ZNF675: variants seen among roughly 807,000 people sequenced by gnomAD.
ZNF675 encodes the protein TRAF6 inhibitory zinc finger.
ZNF675 carries 36 observed loss-of-function variants against 56.1 expected under a neutral mutation model. That is an observed-to-expected ratio of 0.64 (90% CI 0.49 to 0.85). The LOEUF is 0.85. Ranked by LOEUF, ZNF675 falls within the 40% of genes least tolerant of loss-of-function variation. The pLI is 0.00. For synonymous variants in ZNF675, 200 were observed against 218.9 expected (o/e 0.91, Z 0.76); for missense variants, 663 against 654.2 (o/e 1.01, Z -0.15).
At position 23,687,133 on chromosome 19, in the gene ZNF675, A is replaced by G; in HGVS notation, c.-100T>C. ...CTGGACCTCTAGGAGCAGAGGACAC[A>G]GAGCAATGAAAGCGAGACCTGGAGC... On this transcript the variant is annotated 5_prime_UTR_variant, in exon 1 of 4. Transcript: ENST00000359788. 6.9e-7 allele frequency: 1 copy of G among 1,457,568 alleles called. No homozygotes were observed. The highest frequency in any genetic ancestry group is 1.1e-5 in the South Asian group (1 of 87,424). 90.3% of individuals were successfully genotyped at this position (1,457,568 alleles called of 1,614,324 possible). A position where few individuals can be genotyped will look rare whatever the true frequency, so the allele number is the denominator to read the frequency against.
At chr19:23,684,060 G>C (rs993845697) in intron 1 of ZNF675, among the ~76,000 whole-genome samples, 1 of 151,646 alleles carries the variant, frequency 6.6e-6, no homozygotes, top group Non-Finnish European at 1.5e-5. Context: ...AGGAGATCAA[G>C]ACCATCCTGG....
chr19:23,660,642 G>A (rs1968063570), intron 3 of ZNF675, among the ~76,000 whole-genome samples: 1 of 151,936 alleles, frequency 6.6e-6, no homozygotes, highest in African/African-American at 2.4e-5. Context: ...ATTTAACCAA[G>A]GAGGTACAAA....
In ZNF675 at chr19:23,653,306, T is replaced by C. The variant is rs759713929; in HGVS notation, c.1627A>G (p.Lys543Glu). The C allele has an allele frequency of 6.2e-7, 1 of 1,613,796 alleles. No individual in the cohort carries two copies. Among genetic ancestry groups the C allele is most frequent in the South Asian group, 1.1e-5 (1 of 91,070 alleles). The change falls in exon 4 of 4, where the codon AAA becomes GAA. Residue 543 changes from lysine to glutamate, a missense_variant. This residue lies in a region of ZNF675 where 617 missense variants were observed against 590.5 expected (regional missense o/e 1.04). Transcript: ENST00000359788. Reference sequence around the variant, plus strand: ...AGGTTTGCAGATTGGTTAAAAGCTTTGTCACATCTCTCACATTTATAGGGT... The same window carrying C: ...AGGTTTGCAGATTGGTTAAAAGCTTCGTCACATCTCTCACATTTATAGGGT... Reference protein sequence around the residue: ...EKPYKCERCDKAFNQSANLTK... With the variant: ...EKPYKCERCDEAFNQSANLTK...
chr19:23,664,200 T>C (rs779052695), intron 1 of ZNF675, among the ~76,000 whole-genome samples: 1 of 152,176 alleles, frequency 6.6e-6, no homozygotes, highest in Non-Finnish European at 1.5e-5. Context: ...CATGTTTAAC[T>C]GAAAAAAAGC....
intron 1 of ZNF675, among the ~76,000 whole-genome samples, chr19:23,685,430 T>C (rs1271387901): frequency 6.6e-6 from 1 of 152,156 alleles, no homozygotes; most frequent in East Asian, 1.9e-4. Context: ...CCATGGTAGA[T>C]ATATTGGTTT....
chr19:23,655,817 T>C (rs1006262105), intron 3 of ZNF675: 7 of 152,228 alleles, frequency 4.6e-5, no homozygotes, highest in Admixed American at 3.9e-4. Flanking sequence ...CAAGTCTTAT[T>C]AAATTTAAGA....
chr19:23,674,875 G>A lies in ZNF675; in HGVS notation c.4-11717C>T, dbSNP rs537631195. Among the ~76,000 whole-genome samples, 12 of 151,524 alleles carry A rather than the reference G, an allele frequency of 7.9e-5. No homozygotes were observed. In the South Asian group the frequency reaches 1.9e-3, roughly 24 times the overall value. On this transcript the variant is annotated intron_variant, in intron 1 of 3. Coordinates refer to ENST00000359788, the MANE Select transcript of ZNF675 (RefSeq NM_138330.3). ...TAATCCCAGCTACTTGGGAGGCTGA[G>A]GCACGAGAATCACTTGAACCCGGGA... is the stretch of plus-strand genomic sequence containing the variant.
Position 23,659,073 on chromosome 19 carries a change from A to C in ZNF675, c.226+3041T>G, listed in dbSNP as rs150221283. Among the ~76,000 whole-genome samples the C allele has an allele frequency of 2.7e-4, 41 of 150,764 alleles. No individual in the cohort carries two copies. In the East Asian group the frequency reaches 6.1e-3, roughly 22 times the overall value. On this transcript the variant is annotated intron_variant, in intron 3 of 3. Transcript: ENST00000359788. ...GTTAGAGCGCCTGATATATAAAACA[A>C]ATATCTGCGAATAAATTATATTATT... is the stretch of plus-strand genomic sequence containing the variant.
intron 3 of ZNF675, among the ~76,000 whole-genome samples, chr19:23,660,924 G>A (rs1216283010): frequency 8.1e-6 from 1 of 123,794 alleles, no homozygotes; most frequent in Non-Finnish European, 1.6e-5. Flanking sequence ...ATCATACTTT[G>A]TAATTTTCTT....
In ZNF675 at chr19:23,687,029, A is replaced by C. The variant is rs1002558191; in HGVS notation, c.3+2T>G. ...TCGGGATGTCGCACCCGTAACTCTC[A>C]CCATTTCTAGGCTTCCAGGGGGTCC... On this transcript the variant is annotated splice_donor_variant, in intron 1 of 3. Transcript: ENST00000359788. LOFTEE classifies it high-confidence loss of function. The C allele has an allele frequency of 3.1e-6, 5 of 1,613,346 alleles. No individual in the cohort carries two copies. In the African/African-American group the frequency reaches 4.0e-5, roughly 13 times the overall value.
intron 3 of ZNF675, among the ~76,000 whole-genome samples, chr19:23,659,344 T>A (rs1360227329): frequency 6.6e-6 from 1 of 152,114 alleles, no homozygotes; most frequent in African/African-American, 2.4e-5. Context: ...GATGGGAGAA[T>A]AAAAGGTGCC....
At chr19:23,667,141 T>C (rs1272750276) in intron 1 of ZNF675, among the ~76,000 whole-genome samples, 3 of 152,062 alleles carry the variant, frequency 2.0e-5, no homozygotes, top group Non-Finnish European at 2.9e-5. Flanking sequence ...GGAGTGAAGC[T>C]GCAGACCTTC....
chr19:23,686,309 T>TTTATTTATTTAAC (rs1340724371), intron 1 of ZNF675: 1 of 152,030 alleles, frequency 6.6e-6, no homozygotes, highest in African/African-American at 2.4e-5. Flanking sequence ...CCATAATTTA[T>TTTATTTATTTAAC]TTATTTATTT....
At chr19:23,660,238 C>T (rs189382666) in intron 3 of ZNF675, among the ~76,000 whole-genome samples, 111 of 151,898 alleles carry the variant, frequency 7.3e-4, no homozygotes, top group African/African-American at 2.5e-3. Flanking sequence ...TCACCCTGAG[C>T]GTCCAACAAA....
chr19:23,676,662 TG>T (rs1320908470), intron 1 of ZNF675, among the ~76,000 whole-genome samples: 1 of 151,916 alleles, frequency 6.6e-6, no homozygotes, highest in East Asian at 1.9e-4. Flanking sequence ...ACATCCTTCA[TG>T]TTATAACCCT....
chr19:23,663,625 T>C (rs1968111212), intron 1 of ZNF675, among the ~76,000 whole-genome samples: 1 of 152,100 alleles, frequency 6.6e-6, no homozygotes, highest in Non-Finnish European at 1.5e-5. Flanking sequence ...GGCTTGAACC[T>C]GGGAGGTGGA....
At chr19:23,672,542 A>G (rs1396563609) in intron 1 of ZNF675, among the ~76,000 whole-genome samples, 1 of 152,162 alleles carries the variant, frequency 6.6e-6, no homozygotes, top group Non-Finnish European at 1.5e-5. Flanking sequence ...TACATTCTCA[A>G]TCGAAAGCCT....
rs1274145384 is a variant in ZNF675, at chr19:23,687,134, G to T, written c.-101C>A. The T allele has an allele frequency of 1.4e-6, 2 of 1,459,866 alleles. No homozygotes were observed. The highest frequency in any genetic ancestry group is 1.9e-6 in the Non-Finnish European group (2 of 1,048,476). 90.4% of individuals were successfully genotyped at this position (1,459,866 alleles called of 1,614,324 possible). A position where few individuals can be genotyped will look rare whatever the true frequency, so the allele number is the denominator to read the frequency against. ...TGGACCTCTAGGAGCAGAGGACACA[G>T]AGCAATGAAAGCGAGACCTGGAGCT... On this transcript the variant is annotated 5_prime_UTR_variant, in exon 1 of 4. In the 5' UTR this introduces an upstream ATG that the reference lacks. Coordinates refer to ENST00000359788, the MANE Select transcript of ZNF675 (RefSeq NM_138330.3).
At chr19:23,678,389 A>G (rs1729301097) in intron 1 of ZNF675, among the ~76,000 whole-genome samples, 1 of 150,474 alleles carries the variant, frequency 6.6e-6, no homozygotes, top group African/African-American at 2.5e-5. Flanking sequence ...TAGCCGGATT[A>G]CAGGCATATG....
Sources: gnomAD v4.1 joint callset for allele counts (sites outside exome capture counted in the v4.1 genomes callset) on GRCh38, gnomAD v4.1.1 for gene constraint, gnomAD v4.1.1 regional missense constraint, MANE v1.5 for transcripts, NCBI Gene and HGNC (gene_info 2026-07-23, HGNC 2026-07-21) for gene names.